Variants in KDM4B observed in about 807,000 individuals in gnomAD.
The protein encoded by KDM4B is lysine demethylase 4B, also known as lysine-specific demethylase 4B.
KDM4B carries 32 observed loss-of-function variants against 125.2 expected under a neutral mutation model. The observed-to-expected ratio is 0.26, with a 90% CI of 0.19 to 0.34. The LOEUF (loss-of-function observed/expected upper bound fraction) is 0.34, where lower values mean the gene tolerates loss of function less well. Ranked by LOEUF, KDM4B falls within the 10% of genes least tolerant of loss-of-function variation. The pLI is 1.00. For missense variants in KDM4B, 1,190 were observed against 1,577.7 expected (o/e 0.75, Z 4.16); for synonymous variants, 721 against 677.9 (o/e 1.06, Z -0.99).
rs1175035139 is a variant in KDM4B at position 5,119,755 on chromosome 19, C to T, written c.1218C>T (p.Gly406=). 4.5e-6 allele frequency: 7 copies of T among 1,547,974 alleles called. No individual in the cohort carries two copies. Among genetic ancestry groups the T allele is most frequent in the Middle Eastern group, 1.7e-4 (1 of 5,972 alleles). ...CAGCGCTCCTAGAGGAGGCTGGGGGCAGCGTGAAGGAGGAGGCTGGGCCGG... is the reference window on the plus strand; with the variant it reads ...CAGCGCTCCTAGAGGAGGCTGGGGGTAGCGTGAAGGAGGAGGCTGGGCCGG... ...AGAALLEEAG[G]SVKEEAGPEV... Residue 406 remains glycine (G), a synonymous_variant, in exon 11 of 23, where the codon GGC becomes GGT. Transcript: ENST00000159111.
At chr19:5,055,294 A>C (rs2037361427) in intron 6 of KDM4B, among the ~76,000 whole-genome samples, 1 of 152,252 alleles carries the variant, frequency 6.6e-6, no homozygotes, top group African/African-American at 2.4e-5. Flanking sequence ...GATCTGTCCC[A>C]GCAGGCTGGC....
chr19:4,991,523 C>T (rs2035031795), intron 1 of KDM4B, among the ~76,000 whole-genome samples: 1 of 152,238 alleles, frequency 6.6e-6, no homozygotes, highest in Non-Finnish European at 1.5e-5. Context: ...CCCTAGGCTT[C>T]ACCCTGCTGT....
intron 1 of KDM4B, among the ~76,000 whole-genome samples, chr19:5,007,812 C>CA (rs2035609164): frequency 6.6e-6 from 1 of 152,158 alleles, no homozygotes; most frequent in Non-Finnish European, 1.5e-5. Flanking sequence ...CTCTGCCTGC[C>CA]AAAGTGCTGG....
At chr19:5,061,118 C>T (rs902036528) in intron 6 of KDM4B, among the ~76,000 whole-genome samples, 4 of 152,188 alleles carry the variant, frequency 2.6e-5, no homozygotes, top group East Asian at 1.9e-4. Context: ...GAGAGCAGGG[C>T]GGGCCACCCA....
chr19:5,028,269 A>C (rs947832719), intron 2 of KDM4B, among the ~76,000 whole-genome samples: 1 of 152,172 alleles, frequency 6.6e-6, no homozygotes, highest in Non-Finnish European at 1.5e-5. Context: ...GAGCCACTGC[A>C]CTGGCCACAG....
intron 2 of KDM4B, among the ~76,000 whole-genome samples, chr19:5,027,816 C>G (rs1490685214): frequency 1.3e-5 from 2 of 152,194 alleles, no homozygotes; most frequent in Non-Finnish European, 2.9e-5. Flanking sequence ...GCTGGGATTA[C>G]AGGCGTGAGC....
chr19:5,146,717 A>G (rs1018437947), intron 21 of KDM4B, among the ~76,000 whole-genome samples: 33 of 149,894 alleles, frequency 2.2e-4, no homozygotes, highest in African/African-American at 7.9e-4. Context: ...ACTTGAGGCT[A>G]AGAGTTCGAG....
intron 1 of KDM4B, among the ~76,000 whole-genome samples, chr19:4,969,962 T>G (rs919329740): frequency 2.0e-5 from 3 of 152,152 alleles, no homozygotes; most frequent in African/African-American, 7.2e-5. Flanking sequence ...CCTTCCAGCC[T>G]GATCGCCATC....
chr19:5,056,625 C>T lies in KDM4B; in HGVS notation c.626+8956C>T, dbSNP rs113869218. On this transcript the variant is annotated intron_variant, in intron 6 of 22. Coordinates refer to ENST00000159111, the MANE Select transcript of KDM4B (RefSeq NM_015015.3). ...TTCACCATGTTGGCTAGGCTGGTCTCGAATTCCTGACCTCAGGTGATCTGC... is the reference window on the plus strand; with the variant it reads ...TTCACCATGTTGGCTAGGCTGGTCTTGAATTCCTGACCTCAGGTGATCTGC... Among the ~76,000 whole-genome samples the T allele has an allele frequency of 1.6e-3, 237 of 152,256 alleles. 2 individuals are homozygous for T. Among genetic ancestry groups the T allele is most frequent in the African/African-American group, 5.3e-3 (221 of 41,554 alleles).
At chr19:5,138,261 G>C (rs1233335989) in intron 18 of KDM4B, 191 bp downstream of exon 18, 5 of 586,776 alleles carry the variant, frequency 8.5e-6, no homozygotes, top group African/African-American at 7.5e-5. Flanking sequence ...CCTTCCCCGA[G>C]GTGCAAGGTA....
chr19:5,134,584 T>C (rs2039615321), intron 14 of KDM4B, among the ~76,000 whole-genome samples: 1 of 152,186 alleles, frequency 6.6e-6, no homozygotes, highest in Admixed American at 6.5e-5. Flanking sequence ...CCCAGCCGTT[T>C]TCCTCGGATC....
chr19:5,018,787 C>T (rs886914597), intron 2 of KDM4B, among the ~76,000 whole-genome samples: 2 of 152,238 alleles, frequency 1.3e-5, no homozygotes, highest in Non-Finnish European at 2.9e-5. Context: ...CTGTCCTGGA[C>T]ATCTCATAGA....
intron 14 of KDM4B, among the ~76,000 whole-genome samples, chr19:5,135,042 G>A (rs1352121311): frequency 6.6e-6 from 1 of 152,132 alleles, no homozygotes; most frequent in Non-Finnish European, 1.5e-5. Flanking sequence ...ATACCCCAGC[G>A]CCAGGGGCCA....
chr19:5,127,012 T>C (rs988748571), intron 11 of KDM4B, among the ~76,000 whole-genome samples: 2 of 152,214 alleles, frequency 1.3e-5, no homozygotes, highest in African/African-American at 4.8e-5. Context: ...CTGGAGGCTC[T>C]GGTGGAAACC....
chr19:5,123,968 T>G (rs2039406685), intron 11 of KDM4B, among the ~76,000 whole-genome samples: 1 of 135,984 alleles, frequency 7.4e-6, no homozygotes, highest in Non-Finnish European at 1.6e-5. Context: ...CCGTGACCAT[T>G]CTCCCCACAG....
At chr19:5,013,460 C>T (rs1052447051) in intron 1 of KDM4B, among the ~76,000 whole-genome samples, 7 of 152,200 alleles carry the variant, frequency 4.6e-5, no homozygotes, top group Admixed American at 4.6e-4. Context: ...CGTTCATTCT[C>T]TCCCATGCCT....
rs199778726 is a variant in KDM4B, at chr19:4,977,931, C to A, written c.-109+8701C>A. 3.9e-5 allele frequency among the ~76,000 whole-genome samples: 6 copies of A among 152,302 alleles called. No homozygotes were observed. In the East Asian group the frequency reaches 1.2e-3, roughly 29 times the overall value. On this transcript the variant is annotated intron_variant, in intron 1 of 22. Transcript: ENST00000159111. The stretch of plus-strand genomic sequence containing the variant: ...AGCCAGGCTGCTGGACCGGGACAGT[C>A]GCGTCATGTTGCTGTTGTCCCCTTC...
At chr19:5,091,224 C>T (rs2038696306) in intron 9 of KDM4B, among the ~76,000 whole-genome samples, 1 of 152,220 alleles carries the variant, frequency 6.6e-6, no homozygotes, top group African/African-American at 2.4e-5. Context: ...GCCCAGGACT[C>T]AGCGGCATCC....
chr19:5,153,339 C>G lies in KDM4B; in HGVS notation c.*1828C>G, dbSNP rs2039979289. 2 of 152,300 alleles carry G rather than the reference C, an allele frequency of 1.3e-5. No homozygotes were observed. The highest frequency in any genetic ancestry group is 1.3e-4 in the Admixed American group (2 of 15,292). 9.4% of individuals were successfully genotyped at this position (152,300 alleles called of 1,614,324 possible). On this transcript the variant is annotated 3_prime_UTR_variant, in exon 23 of 23. Transcript: ENST00000159111. ...ATTGTAAAGAAGCGGGCGGGTGCCC[C>G]TGCTGCCCTTGTCCCTTGGGGGTCA...
Sources: allele counts gnomAD v4.1 joint callset (sites outside exome capture counted in the v4.1 genomes callset), GRCh38; gene constraint gnomAD v4.1.1; transcripts MANE v1.5; gene names NCBI Gene and HGNC (gene_info 2026-07-23, HGNC 2026-07-21).